SLC30A3: variants seen among roughly 807,000 people sequenced by gnomAD.
SLC30A3 encodes probable proton-coupled zinc antiporter SLC30A3.
SLC30A3 carries 20 observed loss-of-function variants against 35.6 expected under a neutral mutation model. That is an observed-to-expected ratio of 0.56 (90% CI 0.39 to 0.82). SLC30A3 has a LOEUF of 0.82. SLC30A3 is among the 40% of genes least tolerant of loss of function. SLC30A3 has a pLI of 0.00. For synonymous variants in SLC30A3, 217 were observed against 224.7 expected, an observed-to-expected ratio of 0.97 and a Z score of 0.31; for missense variants, 401 against 530.6, an observed-to-expected ratio of 0.76 and a Z score of 2.40.
intron 1 of SLC30A3, among the ~76,000 whole-genome samples, chr2:27,268,332 T>C (rs532446916): frequency 1.3e-5 from 2 of 152,344 alleles, no homozygotes; most frequent in Admixed American, 1.3e-4. Flanking sequence ...GCTTGGTTGA[T>C]ATTTGTTGAG....
upstream of SLC30A3, among the ~76,000 whole-genome samples, chr2:27,266,283 ATTAT>A (rs1317381108): frequency 1.3e-5 from 2 of 152,096 alleles, no homozygotes; most frequent in African/African-American, 4.8e-5. Context: ...TTACTTGGGA[ATTAT>A]TTGTTTCATC....
chr2:27,258,496 A>G lies in SLC30A3; in HGVS notation c.278-189T>C. On this transcript the variant is annotated intron_variant, in intron 2 of 7. Transcript: ENST00000233535. This position sits in a 1 kb window ranked among gnomAD's most constrained non-coding sequence, Gnocchi z 4.0. ...ATTCATCTGTATTTTATTTTCTACA[A>G]TGATTTATTTTAATAACAAGAAAAT... is the stretch of plus-strand genomic sequence containing the variant. 1 of 675,530 alleles carries G rather than the reference A, an allele frequency of 1.5e-6. No individual in the cohort carries two copies. Among genetic ancestry groups the G allele is most frequent in the Non-Finnish European group, 2.4e-6 (1 of 417,034 alleles). The allele number at this position is 675,530 out of a possible 1,614,324, so 41.8% of individuals were successfully genotyped here.
chr2:27,270,939 T>G (rs1677704420), intron 1 of SLC30A3, among the ~76,000 whole-genome samples: 1 of 152,162 alleles, frequency 6.6e-6, no homozygotes, highest in African/African-American at 2.4e-5. Context: ...CCCACAGCTT[T>G]GGTCTGTCTG....
At chr2:27,265,702 C>G (rs1460274442), upstream of SLC30A3, among the ~76,000 whole-genome samples, 1 of 152,148 alleles carries the variant, frequency 6.6e-6, no homozygotes, top group Non-Finnish European at 1.5e-5. This position sits in a 1 kb window ranked among gnomAD's most constrained non-coding sequence, Gnocchi z 5.9. Flanking sequence ...CTGCTTCTCT[C>G]AAGGCTCACA....
chr2:27,258,728 G>A lies in SLC30A3; in HGVS notation c.277+25C>T, dbSNP rs764928606. The A allele has an allele frequency of 6.2e-6, 10 of 1,613,148 alleles. No homozygotes were observed. The South Asian group carries it at 8.8e-5, about 14-fold the overall frequency. On this transcript the variant is annotated intron_variant, in intron 2 of 7. Coordinates refer to ENST00000233535, the MANE Select transcript of SLC30A3 (RefSeq NM_003459.5). This position sits in a 1 kb window ranked among gnomAD's most constrained non-coding sequence, Gnocchi z 4.0. ...CTTGGGCAGGTATTTGGAGAATGGG[G>A]TTTAAGGGCTGCTCCCCAACTTACC...
chr2:27,262,786 C>A lies in SLC30A3; in HGVS notation c.95+26G>T. On this transcript the variant is annotated intron_variant, in intron 1 of 7. Coordinates refer to ENST00000233535, the MANE Select transcript of SLC30A3 (RefSeq NM_003459.5). The surrounding 1 kb of genome is among the most constrained non-coding windows in gnomAD (Gnocchi z 7.5). The stretch of plus-strand genomic sequence containing the variant: ...GGGTAGTAGGGTGGCGCCCCCGGGC[C>A]GAGGGCCAGCCCAGGTCTGTCCTAC... The A allele has an allele frequency of 2.0e-6, 3 of 1,519,886 alleles. No homozygotes were observed. The highest frequency in any genetic ancestry group is 2.6e-6 in the Non-Finnish European group (3 of 1,141,018). The allele number at this position is 1,519,886 out of a possible 1,614,324, so 94.1% of individuals were successfully genotyped here. A position where few individuals can be genotyped will look rare whatever the true frequency, so the allele number is the denominator to read the frequency against.
Position 27,268,549 on chromosome 2 carries a change from C to G in SLC30A3, c.-158-4467G>C, listed in dbSNP as rs552028001. 2.0e-5 allele frequency among the ~76,000 whole-genome samples: 3 copies of G among 152,148 alleles called. No homozygotes were observed. In the East Asian group the frequency reaches 5.8e-4, roughly 29 times the overall value. On this transcript the variant is annotated intron_variant, in intron 1 of 5. Coordinates refer to the SLC30A3 transcript ENST00000424577. ...TGGGCGGATCACAAGGTCAGGAGAT[C>G]GAGACCATCCTGGCTAACACAGTGA...
At chr2:27,268,529 G>A (rs891232448) in intron 1 of SLC30A3, among the ~76,000 whole-genome samples, 2 of 152,080 alleles carry the variant, frequency 1.3e-5, no homozygotes, top group African/African-American at 4.8e-5. Flanking sequence ...CGAGGTGGGC[G>A]GATCACAAGG....
upstream of SLC30A3, among the ~76,000 whole-genome samples, chr2:27,267,611 T>G (rs748181169): frequency 6.6e-6 from 1 of 152,040 alleles, no homozygotes. Flanking sequence ...AAATATCACC[T>G]GGCCAGGCCC....
In SLC30A3 at chr2:27,258,110, G is replaced by A. The variant is rs759430033; in HGVS notation, c.424+51C>T. On this transcript the variant is annotated intron_variant, in intron 3 of 7. Transcript: ENST00000233535. This position sits in a 1 kb window ranked among gnomAD's most constrained non-coding sequence, Gnocchi z 4.0. ...TCAGAGACCTGCTTGGGACCCTGAC[G>A]GGTGCCCTCTGGCAAGATTGGAGAG... The A allele has an allele frequency of 5.0e-6, 8 of 1,608,610 alleles. No homozygotes were observed. The African/African-American group carries it at 6.7e-5, about 13-fold the overall frequency.
At chr2:27,260,543 C>T (rs902818201) in intron 1 of SLC30A3, among the ~76,000 whole-genome samples, 2 of 152,152 alleles carry the variant, frequency 1.3e-5, no homozygotes, top group African/African-American at 4.8e-5. Flanking sequence ...GAATTTTCCA[C>T]AGAATTCAGG....
Position 27,270,909 on chromosome 2 carries a change from A to T in SLC30A3, c.-159+4268T>A, listed in dbSNP as rs1677702976. Among the ~76,000 whole-genome samples the T allele has an allele frequency of 2.6e-5, 4 of 152,144 alleles. No homozygotes were observed. The South Asian group carries it at 8.3e-4, about 31-fold the overall frequency. ...AGAGGAACATTACCTGACATCACCCATGAGAGGATGTGAATATCCCCCACA... is the reference window on the plus strand; with the variant it reads ...AGAGGAACATTACCTGACATCACCCTTGAGAGGATGTGAATATCCCCCACA... On this transcript the variant is annotated intron_variant, in intron 1 of 5. Coordinates refer to the SLC30A3 transcript ENST00000424577.
In SLC30A3 at chr2:27,254,784, AC is replaced by A; in HGVS notation, c.*527del. The stretch of plus-strand genomic sequence containing the variant: ...AACACACACACACACACACACACAC[AC>A]ACACACACACACACAGACAAAACCA... On this transcript the variant is annotated 3_prime_UTR_variant, in exon 8 of 8. Coordinates refer to ENST00000233535, the MANE Select transcript of SLC30A3 (RefSeq NM_003459.5). 3.7e-6 allele frequency: 1 copy of A among 273,664 alleles called. No homozygotes were observed. The highest frequency in any genetic ancestry group is 1.1e-4 in the East Asian group (1 of 9,406). The allele number at this position is 273,664 out of a possible 1,614,324, so 17.0% of individuals were successfully genotyped here. A position where few individuals can be genotyped will look rare whatever the true frequency, so the allele number is the denominator to read the frequency against.
At chr2:27,260,874 G>A (rs1301825517) in intron 1 of SLC30A3, among the ~76,000 whole-genome samples, 1 of 152,200 alleles carries the variant, frequency 6.6e-6, no homozygotes, top group Non-Finnish European at 1.5e-5. Flanking sequence ...GGTGAAGGAG[G>A]CTGTGAAACC....
In SLC30A3 at chr2:27,256,517, G is replaced by A. The variant is rs778191551; in HGVS notation, c.887C>T (p.Thr296Ile). Residue 296 changes from threonine to isoleucine, a missense_variant, in exon 7 of 8, where the codon ACC (threonine) becomes ATC (isoleucine). Coordinates refer to ENST00000233535, the MANE Select transcript of SLC30A3 (RefSeq NM_003459.5). Reference protein sequence around the residue: ...RDVLRILMEGTPRNVGFEPVR... With the variant: ...RDVLRILMEGIPRNVGFEPVR... ...AGGTTCGAACCCCACATTGCGGGGG[G>A]TACCTGCAACCAGCACCAGTCATGC... 6.2e-7 allele frequency: 1 copy of A among 1,613,966 alleles called. No homozygotes were observed. The highest frequency in any genetic ancestry group is 8.5e-7 in the Non-Finnish European group (1 of 1,180,000).
Position 27,258,073 on chromosome 2 carries a change from G to A in SLC30A3, c.425-15C>T, listed in dbSNP as rs1427524717. 6.8e-6 allele frequency: 11 copies of A among 1,613,304 alleles called. No individual in the cohort carries two copies. The highest frequency in any genetic ancestry group is 2.2e-5 in the East Asian group (1 of 44,872). On this transcript the variant is annotated splice_polypyrimidine_tract_variant and intron_variant, in intron 3 of 7. Coordinates refer to ENST00000233535, the MANE Select transcript of SLC30A3 (RefSeq NM_003459.5). This position sits in a 1 kb window ranked among gnomAD's most constrained non-coding sequence, Gnocchi z 4.0. ...CCCCAGAGTCTCTGCGGGTGGGGGGGGAGACAAGCTGTCAGAGACCTGCTT... is the reference window on the plus strand; with the variant it reads ...CCCCAGAGTCTCTGCGGGTGGGGGGAGAGACAAGCTGTCAGAGACCTGCTT...
At chr2:27,274,476 G>A (rs1302422554) in intron 1 of SLC30A3, among the ~76,000 whole-genome samples, 2 of 152,134 alleles carry the variant, frequency 1.3e-5, no homozygotes, top group Non-Finnish European at 2.9e-5. Context: ...CATGTTACAG[G>A]AGCCATTGAG....
chr2:27,263,825 G>A (rs1457564145), upstream of SLC30A3, among the ~76,000 whole-genome samples: 4 of 145,016 alleles, frequency 2.8e-5, no homozygotes, highest in Non-Finnish European at 6.0e-5. Context: ...TTACGGGCGG[G>A]GGTCCAGTGA....
At chr2:27,272,390 T>C (rs1328230318) in intron 1 of SLC30A3, among the ~76,000 whole-genome samples, 1 of 152,130 alleles carries the variant, frequency 6.6e-6, no homozygotes, top group Non-Finnish European at 1.5e-5. Flanking sequence ...AAATCATTCA[T>C]TCACTCACGT....
Sources: allele counts gnomAD v4.1 joint callset (sites outside exome capture counted in the v4.1 genomes callset), GRCh38; gene constraint gnomAD v4.1.1; non-coding constraint Gnocchi (gnomAD v3.1); transcripts MANE v1.5; gene names NCBI Gene and HGNC (gene_info 2026-07-23, HGNC 2026-07-21).